The following FAM171A2 variants were observed in gnomAD, a reference collection of about 807,000 sequenced individuals.
The protein encoded by FAM171A2 is family with sequence similarity 171 member A2, also known as protein FAM171A2.
FAM171A2 carries 13 observed loss-of-function variants against 34.2 expected under a neutral mutation model. The ratio of observed to expected loss-of-function variants is 0.38; its 90% confidence interval spans 0.25 to 0.60. The LOEUF (loss-of-function observed/expected upper bound fraction) is 0.60, where lower values mean the gene tolerates loss of function less well. Among genes scored for constraint, FAM171A2 ranks in the 20% least tolerant of loss-of-function variants. The pLI is 0.62. For missense variants in FAM171A2, 950 were observed against 1,180.7 expected, an observed-to-expected ratio of 0.80 and a Z score of 2.86; for synonymous variants, 475 against 561.2, an observed-to-expected ratio of 0.85 and a Z score of 2.17.
Position 44,355,804 on chromosome 17 carries a change from G to T in FAM171A2, c.933C>A (p.Gly311=), listed in dbSNP as rs1162927136. Residue 311 remains glycine (G), a synonymous_variant, in exon 7 of 8, where the codon GGC becomes GGA. Coordinates refer to ENST00000293443, the MANE Select transcript of FAM171A2 (RefSeq NM_198475.3). This position sits in a 1 kb window ranked among gnomAD's most constrained non-coding sequence, Gnocchi z 4.1. ...VTITSGIQDI[G]TYHTIFLLTI... ...TGAGCAAGAAGATGGTGTGGTAGGT[G>T]CCGATGTCCTGGATGCCCGACGTGA... 1 of 1,551,774 alleles carries T rather than the reference G, an allele frequency of 6.4e-7. No homozygotes were observed. Among genetic ancestry groups the T allele is most frequent in the South Asian group, 1.2e-5 (1 of 84,070 alleles).
At chr17:44,358,470 ATCACCTGAGG>A (rs1405687377) in intron 3 of FAM171A2, among the ~76,000 whole-genome samples, 1 of 152,134 alleles carries the variant, frequency 6.6e-6, no homozygotes, top group Admixed American at 6.5e-5. Context: ...AGGCGGGTGG[ATCACCTGAGG>A]TCAGGAGTTC....
chr17:44,361,830 G>T (rs2048449088), intron 1 of FAM171A2, among the ~76,000 whole-genome samples: 1 of 152,074 alleles, frequency 6.6e-6, no homozygotes, highest in Non-Finnish European at 1.5e-5. Flanking sequence ...GGGAGGTAGA[G>T]CCTAGGAGGA....
intron 1 of FAM171A2, among the ~76,000 whole-genome samples, chr17:44,362,717 C>T (rs2048452842): frequency 6.6e-6 from 1 of 152,156 alleles, no homozygotes; most frequent in Non-Finnish European, 1.5e-5. Context: ...CCCACCTGCG[C>T]CCGGTGAGTC....
At position 44,356,019 on chromosome 17, in the gene FAM171A2, G is replaced by A. The variant is rs1284272221; in HGVS notation, c.834C>T (p.Tyr278=). 8 of 1,548,550 alleles carry A rather than the reference G, an allele frequency of 5.2e-6. No homozygotes were observed. Among genetic ancestry groups the A allele is most frequent in the Middle Eastern group, 1.7e-4 (1 of 6,002 alleles). Residue 278 remains tyrosine, a synonymous_variant, in exon 6 of 8, where the codon TAC becomes TAT. Coordinates refer to ENST00000293443, the MANE Select transcript of FAM171A2 (RefSeq NM_198475.3). The part of the protein sequence containing the change: ...GVIRKEGRQL[Y]WTFVSPQLGY... ...CCAGCTGGGGGGAGACGAAGGTCCA[G>A]TAGAGCTGCCGGCCTTCCTTCCGGA...
chr17:44,357,634 G>A (rs959618911), intron 3 of FAM171A2, among the ~76,000 whole-genome samples: 2 of 151,720 alleles, frequency 1.3e-5, no homozygotes, highest in Non-Finnish European at 2.9e-5. Context: ...GCAACAGAGT[G>A]AGAATCCATC....
chr17:44,354,536 C>T lies in FAM171A2; in HGVS notation c.1678G>A (p.Asp560Asn). The T allele has an allele frequency of 6.8e-6, 8 of 1,178,814 alleles. No homozygotes were observed. Among genetic ancestry groups the T allele is most frequent in the Non-Finnish European group, 8.4e-6 (8 of 953,808 alleles). The allele number at this position is 1,178,814 out of a possible 1,614,324, so 73.0% of individuals were successfully genotyped here. A position where few individuals can be genotyped will look rare whatever the true frequency, so the allele number is the denominator to read the frequency against. The stretch of plus-strand genomic sequence containing the variant: ...GTGCCCTCCGGCGGGGCCGGCTCGT[C>T]GCCCACGCCGGCGGCGCCCGCCTCG... ...GGEAGAAGVG[D>N]EPAPPEGTAP... Residue 560 changes from aspartate to asparagine, a missense_variant, in exon 8 of 8, where the codon GAC (aspartate) becomes AAC (asparagine). Physicochemically the swap from Asp to Asn is conservative, Grantham distance 23. This residue lies in a region of FAM171A2 where 752 missense variants were observed against 924.5 expected (regional missense o/e 0.81). Coordinates refer to ENST00000293443, the MANE Select transcript of FAM171A2 (RefSeq NM_198475.3). The surrounding 1 kb of genome is among the most constrained non-coding windows in gnomAD (Gnocchi z 5.8).
chr17:44,363,184 C>T (rs1234360236), intron 1 of FAM171A2, among the ~76,000 whole-genome samples: 1 of 152,004 alleles, frequency 6.6e-6, no homozygotes, highest in Non-Finnish European at 1.5e-5. Flanking sequence ...CAGCGGATGC[C>T]GGCGCCCCCA....
chr17:44,355,914 C>A lies in FAM171A2; in HGVS notation c.895+44G>T. 2 of 1,545,914 alleles carry A rather than the reference C, an allele frequency of 1.3e-6. No individual in the cohort carries two copies. Among genetic ancestry groups the A allele is most frequent in the Non-Finnish European group, 1.7e-6 (2 of 1,143,244 alleles). ...CTTTCAGAAGTCTGCTCTCCCAGCT[C>A]CCCTCCTCCGCGGCCTCTACGCCCA... is the stretch of plus-strand genomic sequence containing the variant. On this transcript the variant is annotated intron_variant, in intron 6 of 7. Coordinates refer to ENST00000293443, the MANE Select transcript of FAM171A2 (RefSeq NM_198475.3). The surrounding 1 kb of genome is among the most constrained non-coding windows in gnomAD (Gnocchi z 4.1).
Position 44,356,089 on chromosome 17 carries a change from G to C in FAM171A2, c.779-15C>G. ...CACCCACAGCCCTGGGAGAGGCAGG[G>C]GTTTTGTCACACTTGAGTCGCTCCC... On this transcript the variant is annotated splice_polypyrimidine_tract_variant and intron_variant, in intron 5 of 7. Transcript: ENST00000293443. The C allele has an allele frequency of 6.5e-7, 1 of 1,528,960 alleles. No individual in the cohort carries two copies. The allele number at this position is 1,528,960 out of a possible 1,614,324, so 94.7% of individuals were successfully genotyped here.
Position 44,355,338 on chromosome 17 carries a change from C to G in FAM171A2, c.1023-147G>C. ...GCGCTCAGGAGAGATGGCGGGGAGC[C>G]GCCGTGTCCGTTTGGCGATCCCCTC... On this transcript the variant is annotated intron_variant, in intron 7 of 7. Transcript: ENST00000293443. The surrounding 1 kb of genome is among the most constrained non-coding windows in gnomAD (Gnocchi z 4.1). The G allele has an allele frequency of 7.2e-7, 1 of 1,380,324 alleles. No homozygotes were observed. 85.5% of individuals were successfully genotyped at this position (1,380,324 alleles called of 1,614,324 possible). A position where few individuals can be genotyped will look rare whatever the true frequency, so the allele number is the denominator to read the frequency against.
chr17:44,359,435 C>G (rs1047706566), intron 3 of FAM171A2, 144 bp downstream of exon 3: 5 of 663,746 alleles, frequency 7.5e-6, no homozygotes, highest in Non-Finnish European at 1.3e-5. Flanking sequence ...CACTAACCTT[C>G]CACGTCTTAC....
Position 44,355,000 on chromosome 17 carries a change from G to C in FAM171A2, c.1214C>G (p.Ser405Cys). The C allele has an allele frequency of 6.7e-7, 1 of 1,502,564 alleles. No individual in the cohort carries two copies. The highest frequency in any genetic ancestry group is 8.9e-7 in the Non-Finnish European group (1 of 1,127,044). The allele number at this position is 1,502,564 out of a possible 1,614,324, so 93.1% of individuals were successfully genotyped here. Residue 405 changes from serine to cysteine, a missense_variant, in exon 8 of 8, where the codon TCC (serine) becomes TGC (cysteine). By Grantham distance (112) the Ser-to-Cys change is moderately radical. This residue lies in a region of FAM171A2 where 752 missense variants were observed against 924.5 expected (regional missense o/e 0.81). Transcript: ENST00000293443. The surrounding 1 kb of genome is among the most constrained non-coding windows in gnomAD (Gnocchi z 5.8). Reference sequence around the variant, plus strand: ...ATCCCGGGAGGAGGCCAAGTCCCGGGAGCTGGAGAAGGCCGAGTGGAGGGG... The same window carrying C: ...ATCCCGGGAGGAGGCCAAGTCCCGGCAGCTGGAGAAGGCCGAGTGGAGGGG... Reference protein sequence around the residue: ...PGPLHSAFSSSRDLASSRDDF... With the variant: ...PGPLHSAFSSCRDLASSRDDF...
Position 44,363,818 on chromosome 17 carries a change from C to G in FAM171A2, c.-104G>C. ...GCGCCGCGCCTCGCAGCTCCGGCTC[C>G]CGCTCCCGCTGCGGCGCCCGCTCAG... On this transcript the variant is annotated 5_prime_UTR_variant, in exon 1 of 8. Transcript: ENST00000293443. 1 of 446,128 alleles carries G rather than the reference C, an allele frequency of 2.2e-6. No homozygotes were observed. The highest frequency in any genetic ancestry group is 7.5e-4 in the Middle Eastern group (1 of 1,336). 27.6% of individuals were successfully genotyped at this position (446,128 alleles called of 1,614,324 possible). A position where few individuals can be genotyped will look rare whatever the true frequency, so the allele number is the denominator to read the frequency against.
At chr17:44,360,223 TGAGA>T (rs1298765582) in intron 1 of FAM171A2, 91 bp from the exon 2 acceptor site, 1 of 1,107,222 alleles carries the variant, frequency 9.0e-7, no homozygotes, top group African/African-American at 1.6e-5. Flanking sequence ...GAGCTGTGTT[TGAGA>T]GAGTCTTTTG....
chr17:44,362,719 C>T (rs376794425), intron 1 of FAM171A2, among the ~76,000 whole-genome samples: 9 of 152,124 alleles, frequency 5.9e-5, no homozygotes, highest in East Asian at 5.8e-4. Flanking sequence ...CACCTGCGCC[C>T]GGTGAGTCGC....
At chr17:44,358,205 C>T (rs907014944) in intron 3 of FAM171A2, among the ~76,000 whole-genome samples, 1 of 152,190 alleles carries the variant, frequency 6.6e-6, no homozygotes, top group Non-Finnish European at 1.5e-5. Flanking sequence ...GGCCCAGAGG[C>T]GTGGGGCAGA....
Position 44,355,033 on chromosome 17 carries a change from G to A in FAM171A2, c.1181C>T (p.Pro394Leu). 6.5e-7 allele frequency: 1 copy of A among 1,534,974 alleles called. No individual in the cohort carries two copies. Among genetic ancestry groups the A allele is most frequent in the Non-Finnish European group, 8.8e-7 (1 of 1,140,270 alleles). Residue 394 changes from proline (P) to leucine (L), a missense_variant, in exon 8 of 8, where the codon CCT becomes CTT. Pro to Leu is a moderately conservative substitution (Grantham distance 98, BLOSUM62 -3). Transcript: ENST00000293443. The surrounding 1 kb of genome is among the most constrained non-coding windows in gnomAD (Gnocchi z 4.1). ...PAPSGDPEAP[P>L]PGPLHSAFSS... ...GAAGGCCGAGTGGAGGGGGCCTGGAGGCGGAGCCTCGGGGTCCCCCGACGG... is the reference window on the plus strand; with the variant it reads ...GAAGGCCGAGTGGAGGGGGCCTGGAAGCGGAGCCTCGGGGTCCCCCGACGG...
rs1307842059 is a variant in FAM171A2 at position 44,356,539 on chromosome 17, C to A, written c.489G>T (p.Leu163=). Residue 163 remains leucine, a synonymous_variant, in exon 4 of 8, where the codon CTG becomes CTT. Transcript: ENST00000293443. The stretch of plus-strand genomic sequence containing the variant: ...GCTGGCTGTAGGTGGAGCTGACAGG[C>A]AGGCGGGCAGCCCGGCGCTGGAACT... ...LVQFQRRAAR[L]PVSSTYSQLW... is the part of the protein sequence containing the mutation. 1.1e-5 allele frequency: 17 copies of A among 1,549,376 alleles called. 1 individual carries two copies. The South Asian group carries it at 2.0e-4, about 18-fold the overall frequency.
chr17:44,359,721 C>T, intron 2 of FAM171A2, 50 bp from the exon 3 acceptor site: 2 of 1,467,820 alleles, frequency 1.4e-6, no homozygotes, highest in Middle Eastern at 2.3e-4. Context: ...CCCCTACCCC[C>T]CAGCCAGGCA....
Sources: allele counts gnomAD v4.1 joint callset (sites outside exome capture counted in the v4.1 genomes callset), GRCh38; gene constraint gnomAD v4.1.1; regional missense constraint gnomAD v4.1.1; non-coding constraint Gnocchi (gnomAD v3.1); transcripts MANE v1.5; gene names NCBI Gene and HGNC (gene_info 2026-07-23, HGNC 2026-07-21).